Variants in WDHD1 observed in about 807,000 individuals in gnomAD.
WDHD1 encodes WD repeat and HMG-box DNA-binding protein 1.
A neutral mutation model predicts 135.4 loss-of-function variants in WDHD1; 111 were observed. The observed-to-expected ratio is 0.82, with a 90% CI of 0.70 to 0.96. The LOEUF is 0.96. WDHD1 is among the 40% of genes least tolerant of loss of function. The probability of loss-of-function intolerance (pLI) is 0.00; values close to 1 mark genes in which losing one functional copy is unlikely to be tolerated. For missense variants in WDHD1, 1,351 were observed against 1,336.3 expected (o/e 1.01, Z -0.17); for synonymous variants, 434 against 439.0 (o/e 0.99, Z 0.14).
At chr14:54,975,657 A>G (rs997583535) in intron 16 of WDHD1, among the ~76,000 whole-genome samples, 1 of 151,862 alleles carries the variant, frequency 6.6e-6, no homozygotes, top group African/African-American at 2.4e-5. Context: ...CCTCATATTC[A>G]TAATTAAAGG....
chr14:55,010,916 A>AT (rs1316413799), intron 3 of WDHD1, among the ~76,000 whole-genome samples: 26 of 152,364 alleles, frequency 1.7e-4, no homozygotes, highest in Admixed American at 1.3e-3. Context: ...TGCAGCATCC[A>AT]TGCCAGAGAC....
intron 3 of WDHD1, 97 bp from the exon 4 acceptor site, chr14:55,010,557 TA>T (rs1337506912): frequency 9.2e-7 from 1 of 1,087,660 alleles, no homozygotes; most frequent in African/African-American, 1.6e-5. Context: ...CAAAAAACCT[TA>T]AAAATCTAGT....
At chr14:54,952,127 G>A (rs2041067489) in intron 24 of WDHD1, among the ~76,000 whole-genome samples, 1 of 152,168 alleles carries the variant, frequency 6.6e-6, no homozygotes, top group Non-Finnish European at 1.5e-5. Context: ...ACATAGTGTT[G>A]GAAGTTCTGG....
At chr14:55,010,256 A>G (rs2042146372) in intron 4 of WDHD1, 53 bp downstream of exon 4, 1 of 1,442,670 alleles carries the variant, frequency 6.9e-7, no homozygotes, top group Admixed American at 2.5e-5. Flanking sequence ...AAACAAATAA[A>G]CAAGGCCTTT....
At chr14:54,977,867 C>T (rs995526600) in intron 16 of WDHD1, among the ~76,000 whole-genome samples, 4 of 146,382 alleles carry the variant, frequency 2.7e-5, no homozygotes, top group African/African-American at 5.1e-5. Flanking sequence ...CTTTACAAAT[C>T]TTAAATAAAA....
In WDHD1 at chr14:54,944,485, A is replaced by G. The variant is rs1566701260; in HGVS notation, c.3051-15T>C. 1 of 1,570,014 alleles carries G rather than the reference A, an allele frequency of 6.4e-7. No individual in the cohort carries two copies. The highest frequency in any genetic ancestry group is 2.3e-5 in the East Asian group (1 of 44,162). On this transcript the variant is annotated splice_polypyrimidine_tract_variant and intron_variant, in intron 24 of 25. Transcript: ENST00000360586. The stretch of plus-strand genomic sequence containing the variant: ...CGGTCTTTGGCCTAAAATCACAATT[A>G]TGTGAAAACATTTTATACTTAAGAC...
At chr14:54,948,407 C>G (rs2040972173) in intron 24 of WDHD1, among the ~76,000 whole-genome samples, 1 of 152,166 alleles carries the variant, frequency 6.6e-6, no homozygotes, top group Admixed American at 6.5e-5. Context: ...AGATTATATC[C>G]CACTCCTGGC....
chr14:54,966,347 A>C, intron 18 of WDHD1, 128 bp downstream of exon 18: 1 of 1,236,676 alleles, frequency 8.1e-7, no homozygotes, highest in Non-Finnish European at 1.1e-6. Context: ...AAAAAACAAC[A>C]ACAACAACAA....
intron 7 of WDHD1, chr14:55,005,739 G>A (rs1595114695): frequency 2.3e-6 from 1 of 432,152 alleles, no homozygotes; most frequent in Non-Finnish European, 4.3e-6. Context: ...ACATCATAAG[G>A]ATCCTTCTCT....
At chr14:54,982,198 A>G (rs921908860) in intron 15 of WDHD1, among the ~76,000 whole-genome samples, 1 of 151,696 alleles carries the variant, frequency 6.6e-6, no homozygotes, top group Non-Finnish European at 1.5e-5. Context: ...TTTAGTAGAG[A>G]CGGGGTTTCA....
At chr14:54,989,494 T>C (rs1480289254) in intron 12 of WDHD1, among the ~76,000 whole-genome samples, 1 of 152,114 alleles carries the variant, frequency 6.6e-6, no homozygotes, top group Non-Finnish European at 1.5e-5. Flanking sequence ...TACATGACTG[T>C]TACTTTAAAA....
intron 16 of WDHD1, among the ~76,000 whole-genome samples, chr14:54,968,128 C>CA (rs2041375271): frequency 6.6e-6 from 1 of 152,076 alleles, no homozygotes; most frequent in Non-Finnish European, 1.5e-5. Flanking sequence ...AAGCAAGTCT[C>CA]AAAAATTTTT....
chr14:55,020,153 C>T (rs2042321760), intron 2 of WDHD1, among the ~76,000 whole-genome samples: 1 of 152,186 alleles, frequency 6.6e-6, no homozygotes. Context: ...CTTCAGCCCT[C>T]TTAAGTAGTG....
At chr14:54,998,698 G>A (rs940297794) in intron 10 of WDHD1, among the ~76,000 whole-genome samples, 1 of 151,776 alleles carries the variant, frequency 6.6e-6, no homozygotes, top group African/African-American at 2.4e-5. Flanking sequence ...GGCAGATGAG[G>A]ATCTGGTACC....
chr14:54,987,037 G>T, intron 14 of WDHD1, 109 bp downstream of exon 14: 1 of 1,275,708 alleles, frequency 7.8e-7, no homozygotes, highest in Non-Finnish European at 1.1e-6. Context: ...AGATTACACG[G>T]ATTCAAAAGG....
rs756228188 is a variant in WDHD1 at position 54,957,244 on chromosome 14, AG to A, written c.2746-41del. 6.5e-6 allele frequency: 10 copies of A among 1,549,856 alleles called. No homozygotes were observed. The African/African-American group carries it at 9.7e-5, about 15-fold the overall frequency. On this transcript the variant is annotated intron_variant, in intron 22 of 25. Coordinates refer to ENST00000360586, the MANE Select transcript of WDHD1 (RefSeq NM_007086.4). ...AGTGTTAGCACTGTATGTTTAAAGAAGAAAAATAAAATCCCAAGAGACTTAT... is the reference window on the plus strand; with the variant it reads ...AGTGTTAGCACTGTATGTTTAAAGAAAAAAATAAAATCCCAAGAGACTTAT...
intron 25 of WDHD1, among the ~76,000 whole-genome samples, chr14:54,942,862 T>C (rs2040861055): frequency 6.6e-6 from 1 of 152,222 alleles, no homozygotes; most frequent in South Asian, 2.1e-4. Context: ...CATTTTTAAG[T>C]ATTCAAAAAC....
intron 5 of WDHD1, 89 bp from the exon 6 acceptor site, chr14:55,008,455 T>C (rs1275030318): frequency 6.7e-7 from 1 of 1,492,362 alleles, no homozygotes. Flanking sequence ...AAAGCCCTTT[T>C]ATCAACTGGG....
chr14:55,017,160 A>G (rs2042274152), intron 2 of WDHD1, among the ~76,000 whole-genome samples: 2 of 152,340 alleles, frequency 1.3e-5, no homozygotes, highest in East Asian at 1.9e-4. Context: ...ACTAATGATA[A>G]AATTCTTAAT....
Sources: allele counts gnomAD v4.1 joint callset (sites outside exome capture counted in the v4.1 genomes callset), GRCh38; gene constraint gnomAD v4.1.1; transcripts MANE v1.5; gene names NCBI Gene and HGNC (gene_info 2026-07-23, HGNC 2026-07-21).